The following MARCHF1 variants were observed in gnomAD, a reference collection of about 807,000 sequenced individuals.
The protein encoded by MARCHF1 is E3 ubiquitin-protein ligase MARCHF1.
In MARCHF1, 40 loss-of-function variants were observed where a neutral mutation model predicts 54.2. That is an observed-to-expected ratio of 0.74 (90% CI 0.57 to 0.96). MARCHF1 has a LOEUF of 0.96. MARCHF1 is among the 40% of genes least tolerant of loss of function. MARCHF1 has a pLI of 0.00. For synonymous variants in MARCHF1, 236 were observed against 236.3 expected (o/e 1.00, Z 0.01); for missense variants, 586 against 656.5 (o/e 0.89, Z 1.17).
intron 1 of MARCHF1, among the ~76,000 whole-genome samples, chr4:164,308,508 C>A (rs1210469360): frequency 6.6e-6 from 1 of 151,950 alleles, no homozygotes; most frequent in African/African-American, 2.4e-5. Flanking sequence ...CTTAGAAAAT[C>A]AGCTCACCTT....
intron 1 of MARCHF1, among the ~76,000 whole-genome samples, chr4:164,129,482 A>G (rs992793324): frequency 2.6e-5 from 4 of 151,668 alleles, no homozygotes; most frequent in Non-Finnish European, 4.4e-5. Flanking sequence ...CTTCCTTCCA[A>G]TTTTAATGCT....
At chr4:164,168,753 T>C (rs755204947) in intron 1 of MARCHF1, among the ~76,000 whole-genome samples, 9 of 152,052 alleles carry the variant, frequency 5.9e-5, no homozygotes, top group Non-Finnish European at 1.2e-4. Context: ...GCCAACCTTA[T>C]CCACAGTTGA....
At chr4:163,944,236 C>T (rs1751980463) in intron 3 of MARCHF1, among the ~76,000 whole-genome samples, 1 of 151,522 alleles carries the variant, frequency 6.6e-6, no homozygotes, top group Non-Finnish European at 1.5e-5. Context: ...CCCGCCTCAG[C>T]CTCCCAAAGT....
intron 1 of MARCHF1, among the ~76,000 whole-genome samples, chr4:164,293,221 G>T (rs189436448): frequency 2.2e-4 from 33 of 151,894 alleles, no homozygotes; most frequent in African/African-American, 7.7e-4. Context: ...AACTTAGCAT[G>T]TGGAAAAAAA....
intron 4 of MARCHF1, among the ~76,000 whole-genome samples, chr4:163,817,271 A>T (rs944027072): frequency 6.6e-6 from 1 of 152,132 alleles, no homozygotes; most frequent in Non-Finnish European, 1.5e-5. Context: ...ACACAGCTAC[A>T]TGTATGTGTT....
At chr4:163,589,259 G>C (rs926168395) in intron 7 of MARCHF1, among the ~76,000 whole-genome samples, 2 of 152,068 alleles carry the variant, frequency 1.3e-5, no homozygotes, top group Non-Finnish European at 2.9e-5. Flanking sequence ...AAAGTGACCT[G>C]ACCAGTTTAC....
chr4:163,729,148 A>G (rs577405619), intron 4 of MARCHF1, among the ~76,000 whole-genome samples: 4 of 152,218 alleles, frequency 2.6e-5, no homozygotes, highest in East Asian at 3.9e-4. Context: ...AATTCTTTTT[A>G]TACATTATTG....
intron 5 of MARCHF1, among the ~76,000 whole-genome samples, chr4:163,622,813 A>G (rs1741734926): frequency 6.6e-6 from 1 of 152,192 alleles, no homozygotes; most frequent in Admixed American, 6.5e-5. Flanking sequence ...AAAGCCAAGT[A>G]AGTCTTCCTT....
chr4:164,041,919 G>A (rs1435739317), intron 2 of MARCHF1, among the ~76,000 whole-genome samples: 2 of 151,920 alleles, frequency 1.3e-5, no homozygotes, highest in Non-Finnish European at 2.9e-5. Flanking sequence ...GTATTTTAGG[G>A]GAAAAAATGA....
At chr4:163,761,633 C>T (rs547637941) in intron 4 of MARCHF1, among the ~76,000 whole-genome samples, 3 of 152,318 alleles carry the variant, frequency 2.0e-5, no homozygotes, top group South Asian at 2.1e-4. Flanking sequence ...CTCCATGAGC[C>T]CCACAGTAAT....
At chr4:163,857,012 C>T (rs527391581) in intron 3 of MARCHF1, among the ~76,000 whole-genome samples, 2 of 78,664 alleles carry the variant, frequency 2.5e-5, no homozygotes, top group Non-Finnish European at 5.6e-5. Context: ...GACTTTGTCT[C>T]GAAAAATAAA....
At chr4:164,278,544 G>A (rs2111330932) in intron 1 of MARCHF1, among the ~76,000 whole-genome samples, 1 of 152,286 alleles carries the variant, frequency 6.6e-6, no homozygotes, top group East Asian at 1.9e-4. Context: ...TTATGCCAGA[G>A]CTGACCTTGA....
At chr4:164,225,247 T>C (rs1392676408) in intron 1 of MARCHF1, among the ~76,000 whole-genome samples, 1 of 152,106 alleles carries the variant, frequency 6.6e-6, no homozygotes, top group Non-Finnish European at 1.5e-5. Flanking sequence ...ATTTGTGCAA[T>C]GAATAGATTT....
chr4:164,208,552 C>T (rs1731675417), intron 1 of MARCHF1, among the ~76,000 whole-genome samples: 1 of 152,068 alleles, frequency 6.6e-6, no homozygotes, highest in Non-Finnish European at 1.5e-5. Flanking sequence ...CTTGGATTTG[C>T]CTATAGGAGG....
chr4:163,644,876 C>A (rs560710059), intron 5 of MARCHF1, among the ~76,000 whole-genome samples: 55 of 152,290 alleles, frequency 3.6e-4, no homozygotes, highest in South Asian at 2.5e-3. Flanking sequence ...GCTCCAGTCC[C>A]TGTAAACTGT....
At chr4:164,068,436 G>T (rs986456065) in intron 2 of MARCHF1, among the ~76,000 whole-genome samples, 1 of 152,186 alleles carries the variant, frequency 6.6e-6, no homozygotes, top group Non-Finnish European at 1.5e-5. Context: ...TGCGGCGCTT[G>T]TGGGCCAGCA....
At chr4:164,116,620 A>G (rs1282681924) in intron 1 of MARCHF1, among the ~76,000 whole-genome samples, 1 of 152,052 alleles carries the variant, frequency 6.6e-6, no homozygotes, top group Non-Finnish European at 1.5e-5. Context: ...AATTAAATCA[A>G]ATTTTAAATT....
intron 1 of MARCHF1, 153 bp downstream of exon 1, chr4:164,383,706 TCCCCAGTGGAC>T (rs1355211526): frequency 6.6e-6 from 1 of 152,670 alleles, no homozygotes; most frequent in Non-Finnish European, 1.5e-5. Flanking sequence ...CCAGCCACGC[TCCCCAGTGGAC>T]CCACCAGGCA....
At position 164,226,049 on chromosome 4, in the gene MARCHF1, C is replaced by T. The variant is rs143825467; in HGVS notation, c.-322-114387G>A. On this transcript the variant is annotated intron_variant, in intron 1 of 9. Coordinates refer to ENST00000514618, the MANE Select transcript of MARCHF1 (RefSeq NM_001394959.1). ...GGAAGAATTTTACACAATCAACTCG[C>T]CTTCACCATTTATGATCTTCCATTT... 4.3e-4 allele frequency among the ~76,000 whole-genome samples: 66 copies of T among 152,104 alleles called. No individual in the cohort carries two copies. In the East Asian group the frequency reaches 0.012, roughly 28 times the overall value.
Sources: allele counts gnomAD v4.1 joint callset (sites outside exome capture counted in the v4.1 genomes callset), GRCh38; gene constraint gnomAD v4.1.1; transcripts MANE v1.5; gene names NCBI Gene and HGNC (gene_info 2026-07-23, HGNC 2026-07-21).